Variants in STIL observed in about 807,000 individuals in gnomAD.
STIL encodes STIL centriolar assembly protein, also known as SCL-interrupting locus protein.
Under a neutral mutation model 110.1 loss-of-function variants are expected in STIL, and 55 were observed. The observed-to-expected ratio is 0.50, with a 90% CI of 0.40 to 0.63. The LOEUF (loss-of-function observed/expected upper bound fraction) is 0.63. Among genes scored for constraint, STIL ranks in the 20% least tolerant of loss-of-function variants. The pLI is 0.00. For synonymous variants in STIL, 481 were observed against 530.0 expected (o/e 0.91, Z 1.27); for missense variants, 1,358 against 1,530.0 (o/e 0.89, Z 1.87).
At chr1:47,282,051 T>C (rs1645168681) in intron 11 of STIL, among the ~76,000 whole-genome samples, 1 of 152,134 alleles carries the variant, frequency 6.6e-6, no homozygotes, top group East Asian at 1.9e-4. Flanking sequence ...ACTAGTTGTG[T>C]GTCTTGGGTA....
chr1:47,263,048 T>C lies in STIL; in HGVS notation c.2684A>G (p.Glu895Gly), dbSNP rs1644530405. 2 of 1,614,220 alleles carry C rather than the reference T, an allele frequency of 1.2e-6. No homozygotes were observed. Among genetic ancestry groups the C allele is most frequent in the Non-Finnish European group, 8.5e-7 (1 of 1,180,032 alleles). ...AGTCTGTAAACACATGCTTACACTT[T>C]CTGCCAGCTGGCCACTTGGAAAGAA... ...PVFFPSGQLA[E>G]SVSMCLQTGP... Residue 895 changes from glutamate (E) to glycine (G), a missense_variant, in exon 15 of 17, where the codon GAA (glutamate) becomes GGA (glycine). Coordinates refer to ENST00000371877, the MANE Select transcript of STIL (RefSeq NM_001048166.1).
In STIL at chr1:47,272,315, T is replaced by C. The variant is rs1644865403; in HGVS notation, c.2218-74A>G. 2.0e-6 allele frequency: 3 copies of C among 1,502,490 alleles called. No homozygotes were observed. In the Admixed American group the frequency reaches 5.1e-5, roughly 26 times the overall value. The allele number at this position is 1,502,490 out of a possible 1,614,324, so 93.1% of individuals were successfully genotyped here. On this transcript the variant is annotated intron_variant, in intron 12 of 16. Coordinates refer to ENST00000371877, the MANE Select transcript of STIL (RefSeq NM_001048166.1). Reference sequence around the variant, plus strand: ...AAACTGGCAGCAGTTTAATAATGAATTACAAAGCGCCCTAATTATAAGAAA... The same window carrying C: ...AAACTGGCAGCAGTTTAATAATGAACTACAAAGCGCCCTAATTATAAGAAA...
At chr1:47,262,360 T>C (rs1644510482) in intron 15 of STIL, among the ~76,000 whole-genome samples, 1 of 152,196 alleles carries the variant, frequency 6.6e-6, no homozygotes, top group Non-Finnish European at 1.5e-5. Context: ...TACCCCTTTA[T>C]TCTGTGTTCT....
At chr1:47,274,095 T>TAC (rs10552715) in intron 12 of STIL, among the ~76,000 whole-genome samples, 244 of 151,700 alleles carry the variant, frequency 1.6e-3, no homozygotes, top group Middle Eastern at 6.8e-3. Context: ...GTAAGCACTT[T>TAC]ACACACACAC....
At chr1:47,265,466 GT>G (rs199977331) in intron 14 of STIL, among the ~76,000 whole-genome samples, 1 of 151,400 alleles carries the variant, frequency 6.6e-6, no homozygotes, top group African/African-American at 2.4e-5. Flanking sequence ...TCAAACTGTA[GT>G]TTTTTTTAAT....
At chr1:47,254,715 T>G (rs1003811106) in intron 16 of STIL, among the ~76,000 whole-genome samples, 3 of 152,086 alleles carry the variant, frequency 2.0e-5, no homozygotes, top group African/African-American at 7.2e-5. Flanking sequence ...TTTTTCTTTT[T>G]GTAAAGATGG....
At position 47,301,029 on chromosome 1, in the gene STIL, T is replaced by C. The variant is rs546481239; in HGVS notation, c.453+532A>G. 4.6e-5 allele frequency among the ~76,000 whole-genome samples: 7 copies of C among 152,338 alleles called. No individual in the cohort carries two copies. In the South Asian group the frequency reaches 1.4e-3, roughly 32 times the overall value. On this transcript the variant is annotated intron_variant, in intron 5 of 16. Transcript: ENST00000371877. Reference sequence around the variant, plus strand: ...TTCTGATTTGACAGTGTTTTCTTTTTTCAAGAACCTTCAATTTCTACATGG... The same window carrying C: ...TTCTGATTTGACAGTGTTTTCTTTTCTCAAGAACCTTCAATTTCTACATGG...
In STIL at chr1:47,293,551, G is replaced by C; in HGVS notation, c.786-7C>G. 1 of 1,605,900 alleles carries C rather than the reference G, an allele frequency of 6.2e-7. No individual in the cohort carries two copies. Among genetic ancestry groups the C allele is most frequent in the Non-Finnish European group, 8.5e-7 (1 of 1,173,136 alleles). ...TGTAATTCCAGACAGCCAACTAAAAGAAAAAGATAGAAATTAAAAACCATA... is the reference window on the plus strand; with the variant it reads ...TGTAATTCCAGACAGCCAACTAAAACAAAAAGATAGAAATTAAAAACCATA... On this transcript the variant is annotated splice_polypyrimidine_tract_variant and splice_region_variant and intron_variant, in intron 7 of 16. Coordinates refer to ENST00000371877, the MANE Select transcript of STIL (RefSeq NM_001048166.1).
chr1:47,274,752 G>A (rs1644938544), intron 12 of STIL, among the ~76,000 whole-genome samples: 1 of 151,840 alleles, frequency 6.6e-6, no homozygotes, highest in African/African-American at 2.4e-5. Context: ...AAAGCTGTGG[G>A]TGATTAAATC....
intron 8 of STIL, among the ~76,000 whole-genome samples, chr1:47,291,327 C>T (rs965265154): frequency 4.6e-5 from 7 of 151,922 alleles, no homozygotes; most frequent in Admixed American, 4.6e-4. Context: ...AGCCATTGCA[C>T]TCCAGCCTGG....
intron 14 of STIL, among the ~76,000 whole-genome samples, chr1:47,267,690 A>C (rs1021717004): frequency 2.6e-5 from 3 of 114,210 alleles, no homozygotes; most frequent in Non-Finnish European, 5.4e-5. Context: ...AAAAAAAAAA[A>C]TTTACTTTAG....
intron 5 of STIL, among the ~76,000 whole-genome samples, chr1:47,301,359 C>T (rs1388267175): frequency 6.6e-6 from 1 of 152,170 alleles, no homozygotes. Context: ...ATCTCGGTTA[C>T]ACTGCTTCTT....
At chr1:47,310,740 T>C (rs1456427449) in intron 1 of STIL, among the ~76,000 whole-genome samples, 1 of 152,126 alleles carries the variant, frequency 6.6e-6, no homozygotes, top group Non-Finnish European at 1.5e-5. Context: ...AAAAAAATGA[T>C]TTGGGCTAGA....
At chr1:47,279,513 C>A (rs948290036) in intron 12 of STIL, among the ~76,000 whole-genome samples, 3 of 151,720 alleles carry the variant, frequency 2.0e-5, no homozygotes, top group African/African-American at 7.3e-5. Context: ...ATAATTAAGA[C>A]AAAGAACTCC....
At chr1:47,281,583 T>G (rs1407613098) in intron 11 of STIL, among the ~76,000 whole-genome samples, 1 of 152,134 alleles carries the variant, frequency 6.6e-6, no homozygotes, top group African/African-American at 2.4e-5. Flanking sequence ...AAGCAGAATG[T>G]TTTCACAGAT....
At chr1:47,292,840 C>T (rs1008326443) in intron 8 of STIL, among the ~76,000 whole-genome samples, 2 of 152,104 alleles carry the variant, frequency 1.3e-5, no homozygotes, top group Non-Finnish European at 2.9e-5. Context: ...GCTTGTACTG[C>T]CTTTTCAATA....
At chr1:47,303,141 T>A (rs1316335243) in intron 3 of STIL, among the ~76,000 whole-genome samples, 1 of 152,126 alleles carries the variant, frequency 6.6e-6, no homozygotes, top group Non-Finnish European at 1.5e-5. Flanking sequence ...AAAAATATAA[T>A]TTGCAAAAAT....
intron 13 of STIL, among the ~76,000 whole-genome samples, chr1:47,270,970 C>T (rs564512387): frequency 1.3e-5 from 2 of 152,078 alleles, no homozygotes; most frequent in African/African-American, 2.4e-5. Context: ...TGAGCCACTG[C>T]GCCCAGCCAA....
chr1:47,261,321 C>T (rs1486217948), intron 15 of STIL, among the ~76,000 whole-genome samples: 1 of 150,208 alleles, frequency 6.7e-6, no homozygotes, highest in African/African-American at 2.5e-5. Flanking sequence ...CCAGAAGGCC[C>T]AGGTTGCAGA....
Sources: allele counts gnomAD v4.1 joint callset (sites outside exome capture counted in the v4.1 genomes callset), GRCh38; gene constraint gnomAD v4.1.1; transcripts MANE v1.5; gene names NCBI Gene and HGNC (gene_info 2026-07-23, HGNC 2026-07-21).